Variants in LRMDA observed in about 807,000 individuals in gnomAD.
LRMDA encodes leucine-rich melanocyte differentiation-associated protein.
In LRMDA, 18 loss-of-function variants were observed where a neutral mutation model predicts 29.8. The ratio of observed to expected loss-of-function variants is 0.60; its 90% CI spans 0.42 to 0.90. The LOEUF (loss-of-function observed/expected upper bound fraction) is 0.90. Ranked by LOEUF, LRMDA falls within the 40% of genes least tolerant of loss-of-function variation. The probability of loss-of-function intolerance (pLI) is 0.00; values close to 1 mark genes in which losing one functional copy is unlikely to be tolerated. For missense variants in LRMDA, 273 were observed against 273.9 expected (o/e 1.00, Z 0.02); for synonymous variants, 125 against 109.4 (o/e 1.14, Z -0.89).
At chr10:76,459,356 T>C (rs1233881177) in intron 6 of LRMDA, among the ~76,000 whole-genome samples, 2 of 152,046 alleles carry the variant, frequency 1.3e-5, no homozygotes, top group African/African-American at 4.8e-5. Flanking sequence ...TTTCCTCCTA[T>C]CCTCCCTAAA....
At chr10:75,634,664 G>A (rs1841369097) in intron 2 of LRMDA, among the ~76,000 whole-genome samples, 1 of 152,204 alleles carries the variant, frequency 6.6e-6, no homozygotes, top group Non-Finnish European at 1.5e-5. Flanking sequence ...GGAATGAAAA[G>A]GAGGAGATAA....
chr10:76,007,491 A>C (rs1316723851), intron 2 of LRMDA, among the ~76,000 whole-genome samples: 1 of 152,132 alleles, frequency 6.6e-6, no homozygotes, highest in East Asian at 1.9e-4. Flanking sequence ...CCCTCTCCCC[A>C]TGCTGGCCTT....
intron 2 of LRMDA, among the ~76,000 whole-genome samples, chr10:75,787,722 A>G (rs904579057): frequency 1.3e-5 from 2 of 152,224 alleles, no homozygotes; most frequent in African/African-American, 4.8e-5. Flanking sequence ...TGTTTTAAGT[A>G]GTGTGTAATA....
At chr10:75,704,890 G>C (rs1404861261) in intron 2 of LRMDA, among the ~76,000 whole-genome samples, 3 of 152,192 alleles carry the variant, frequency 2.0e-5, no homozygotes, top group East Asian at 3.9e-4. Flanking sequence ...TGAGAGAGGA[G>C]AGGGAAAGGG....
chr10:75,800,878 T>C (rs936269532), intron 2 of LRMDA, among the ~76,000 whole-genome samples: 8 of 152,186 alleles, frequency 5.3e-5, no homozygotes, highest in Admixed American at 4.6e-4. Context: ...AAGACTTCTG[T>C]TCTAGATTAA....
At chr10:75,797,560 C>A (rs1478049924) in intron 2 of LRMDA, among the ~76,000 whole-genome samples, 1 of 152,062 alleles carries the variant, frequency 6.6e-6, no homozygotes, top group Admixed American at 6.5e-5. Flanking sequence ...CTATTCCTAC[C>A]CCCAACTCTA....
At chr10:75,972,836 C>T (rs936146197) in intron 2 of LRMDA, among the ~76,000 whole-genome samples, 1 of 152,166 alleles carries the variant, frequency 6.6e-6, no homozygotes, top group Non-Finnish European at 1.5e-5. Context: ...GTCTCCTCTG[C>T]CACCATCTAC....
At chr10:75,909,230 A>G (rs1247456724) in intron 2 of LRMDA, among the ~76,000 whole-genome samples, 1 of 152,228 alleles carries the variant, frequency 6.6e-6, no homozygotes, top group East Asian at 1.9e-4. Context: ...AACCCAAAGA[A>G]GTAATTTTTT....
intron 2 of LRMDA, among the ~76,000 whole-genome samples, chr10:76,004,631 T>A (rs1431134382): frequency 1.3e-5 from 2 of 152,216 alleles, no homozygotes; most frequent in African/African-American, 4.8e-5. Flanking sequence ...TTTAAAATTG[T>A]TTCTCAGGTG....
At chr10:75,685,284 G>A (rs896087933) in intron 2 of LRMDA, among the ~76,000 whole-genome samples, 19 of 152,028 alleles carry the variant, frequency 1.2e-4, no homozygotes, top group Non-Finnish European at 5.9e-5. Context: ...CTCAGGGAGA[G>A]ACATTTGTTC....
At chr10:75,922,249 C>T (rs998101722) in intron 2 of LRMDA, among the ~76,000 whole-genome samples, 3 of 152,204 alleles carry the variant, frequency 2.0e-5, no homozygotes, top group Non-Finnish European at 4.4e-5. Context: ...AGTGTTCCTA[C>T]TCTGAAGCTT....
chr10:75,942,971 G>A (rs1014518741), intron 2 of LRMDA, among the ~76,000 whole-genome samples: 2 of 152,114 alleles, frequency 1.3e-5, no homozygotes, highest in South Asian at 2.1e-4. Flanking sequence ...TGGCTTTTGA[G>A]TTGACCATTC....
At chr10:76,340,400 C>T (rs903085890) in intron 6 of LRMDA, among the ~76,000 whole-genome samples, 2 of 150,886 alleles carry the variant, frequency 1.3e-5, no homozygotes, top group Non-Finnish European at 2.9e-5. Flanking sequence ...CCTGTAGTCC[C>T]AGCTACTTGG....
chr10:75,608,277 A>G (rs938437857), intron 2 of LRMDA, among the ~76,000 whole-genome samples: 6 of 152,030 alleles, frequency 3.9e-5, no homozygotes, highest in Admixed American at 1.3e-4. Context: ...GGAATCTAAA[A>G]TAGTCAACCA....
At chr10:75,524,014 G>T (rs1845388988) in intron 2 of LRMDA, among the ~76,000 whole-genome samples, 1 of 152,060 alleles carries the variant, frequency 6.6e-6, no homozygotes, top group Admixed American at 6.5e-5. Flanking sequence ...TGCAGTATGG[G>T]GATAACATTC....
intron 2 of LRMDA, among the ~76,000 whole-genome samples, chr10:75,835,949 C>CGGG: frequency 6.6e-6 from 1 of 152,088 alleles, no homozygotes; most frequent in East Asian, 1.9e-4. Context: ...GATTATGGGC[C>CGGG]TTTTACATAC....
At chr10:76,100,695 G>T (rs1849382054) in intron 5 of LRMDA, among the ~76,000 whole-genome samples, 1 of 152,166 alleles carries the variant, frequency 6.6e-6, no homozygotes, top group Non-Finnish European at 1.5e-5. Flanking sequence ...TATGCCCCCA[G>T]CATGACAGTG....
At chr10:75,697,488 T>C (rs964260372) in intron 2 of LRMDA, among the ~76,000 whole-genome samples, 1 of 151,906 alleles carries the variant, frequency 6.6e-6, no homozygotes, top group African/African-American at 2.4e-5. Context: ...TAGACCTTCC[T>C]GTTAGAGGAG....
intron 6 of LRMDA, among the ~76,000 whole-genome samples, chr10:76,529,044 G>T (rs77593984): frequency 0.03 from 4,558 of 152,184 alleles, 169 homozygotes; most frequent in African/African-American, 0.089. Flanking sequence ...GCAGGTTGAC[G>T]TTAAGAAAAT....
Sources: allele counts gnomAD v4.1 joint callset (sites outside exome capture counted in the v4.1 genomes callset), GRCh38; gene constraint gnomAD v4.1.1; transcripts MANE v1.5; gene names NCBI Gene and HGNC (gene_info 2026-07-23, HGNC 2026-07-21).